Variants in RNF41 observed in about 807,000 individuals in gnomAD.
The protein encoded by RNF41 is E3 ubiquitin-protein ligase NRDP1.
In RNF41, 4 loss-of-function variants were observed where a neutral mutation model predicts 33.0. That is an observed-to-expected ratio of 0.12 (90% CI 0.06 to 0.28). The LOEUF is 0.28. RNF41 is among the 10% of genes least tolerant of loss of function. The probability of loss-of-function intolerance (pLI) is 1.00; values close to 1 mark genes in which losing one functional copy is unlikely to be tolerated. For synonymous variants in RNF41, 164 were observed against 153.2 expected (o/e 1.07, Z -0.52); for missense variants, 228 against 432.6 (o/e 0.53, Z 4.19).
At chr12:56,211,311 C>T (rs1157470302) in intron 3 of RNF41, among the ~76,000 whole-genome samples, 1 of 151,868 alleles carries the variant, frequency 6.6e-6, no homozygotes, top group Non-Finnish European at 1.5e-5. Context: ...GCACTCCAGC[C>T]TGGGTGACAG....
At chr12:56,215,504 A>T (rs1402250920) in intron 2 of RNF41, among the ~76,000 whole-genome samples, 1 of 150,838 alleles carries the variant, frequency 6.6e-6, no homozygotes, top group Non-Finnish European at 1.5e-5. Context: ...ACGGATCATG[A>T]GGTCAAGAGA....
intron 1 of RNF41, among the ~76,000 whole-genome samples, chr12:56,217,097 G>A (rs542151970): frequency 6.7e-6 from 1 of 148,984 alleles, no homozygotes; most frequent in South Asian, 2.1e-4. Context: ...CCGAGACCGC[G>A]CCACCGCACT....
At position 56,206,718 on chromosome 12, in the gene RNF41, A is replaced by G; in HGVS notation, c.683T>C (p.Val228Ala). 6.2e-7 allele frequency: 1 copy of G among 1,614,172 alleles called. No homozygotes were observed. Among genetic ancestry groups the G allele is most frequent in the South Asian group, 1.1e-5 (1 of 91,090 alleles). ...ACTCTCCACCAGGGAGCGCTTGATT[A>G]CAGCCTGGAGCACAGCATCAGGAGT... ...ISTPDAVLQA[V>A]IKRSLVESGC... The change falls in exon 7 of 7, where the codon GTA becomes GCA. Residue 228 changes from valine to alanine, a missense_variant. By Grantham distance (64) the Val-to-Ala change is moderately conservative. This residue lies in a region of RNF41 where 199 missense variants were observed against 334.6 expected (regional missense o/e 0.59). Coordinates refer to ENST00000345093, the MANE Select transcript of RNF41 (RefSeq NM_005785.4). This position sits in a 1 kb window ranked among gnomAD's most constrained non-coding sequence, Gnocchi z 5.7.
chr12:56,215,520 A>G (rs1309659928), intron 2 of RNF41, among the ~76,000 whole-genome samples: 3 of 152,002 alleles, frequency 2.0e-5, no homozygotes, highest in Admixed American at 1.3e-4. Flanking sequence ...AGAGATCAAC[A>G]CCATCCTGGC....
chr12:56,208,089 T>C lies in RNF41; in HGVS notation c.498+74A>G, dbSNP rs1868308125. ...AAGCACTGGTCTGTGTGTTCACAAC[T>C]GGTTTTTATTACCCACAGGCAGGCA... On this transcript the variant is annotated intron_variant, in intron 5 of 6. Coordinates refer to ENST00000345093, the MANE Select transcript of RNF41 (RefSeq NM_005785.4). 7 of 1,567,008 alleles carry C rather than the reference T, an allele frequency of 4.5e-6. No individual in the cohort carries two copies. In the South Asian group the frequency reaches 7.8e-5, roughly 18 times the overall value.
At chr12:56,215,220 C>T (rs757106912) in intron 2 of RNF41, among the ~76,000 whole-genome samples, 132 of 152,202 alleles carry the variant, frequency 8.7e-4, no homozygotes, top group Non-Finnish European at 1.6e-3. Flanking sequence ...CAAGCAAGGG[C>T]CATGCTGTGA....
Position 56,210,527 on chromosome 12 carries a change from G to C in RNF41, c.132C>G (p.Thr44=), listed in dbSNP as rs1164540650. Residue 44 remains threonine, a synonymous_variant, in exon 4 of 7, where the codon ACC becomes ACG. Transcript: ENST00000345093. ...CEHAFCNACI[T]QWFSQQQTCP... Reference sequence around the variant, plus strand: ...ATGTCTGTTGCTGAGAGAACCACTGGGTGATGCAGGCGTTGCAGAAAGCAT... The same window carrying C: ...ATGTCTGTTGCTGAGAGAACCACTGCGTGATGCAGGCGTTGCAGAAAGCAT... The C allele has an allele frequency of 1.2e-6, 2 of 1,613,962 alleles. No individual in the cohort carries two copies.
At position 56,203,701 on chromosome 12, in the gene RNF41, A is replaced by C. The variant is rs1878700542; in HGVS notation, c.*2746T>G. The C allele has an allele frequency of 2.3e-4, 4 of 17,616 alleles. No individual in the cohort carries two copies. The highest frequency in any genetic ancestry group is 6.9e-4 in the Non-Finnish European group (1 of 1,458). 1.1% of individuals were successfully genotyped at this position (17,616 alleles called of 1,614,324 possible). On this transcript the variant is annotated 3_prime_UTR_variant, in exon 7 of 7. Coordinates refer to ENST00000345093, the MANE Select transcript of RNF41 (RefSeq NM_005785.4). ...GAGCCACCGTGCCCGGCCTATGAAG[A>C]CTTTTTTTTTTTTTTTTTTTTTTAG...
At chr12:56,210,039 G>C (rs947561388) in intron 4 of RNF41, 6 of 509,020 alleles carry the variant, frequency 1.2e-5, no homozygotes, top group South Asian at 2.5e-5. Flanking sequence ...GGGAAGAATA[G>C]AGTCAATCAA....
chr12:56,218,992 A>G (rs1272241080), intron 1 of RNF41, among the ~76,000 whole-genome samples: 2 of 148,674 alleles, frequency 1.3e-5, no homozygotes, highest in South Asian at 4.2e-4. Context: ...GTGAGCCACC[A>G]TGCTTGGCCT....
chr12:56,209,681 T>C (rs1284949085), intron 4 of RNF41, among the ~76,000 whole-genome samples: 1 of 151,878 alleles, frequency 6.6e-6, no homozygotes, highest in African/African-American at 2.4e-5. Context: ...ATGGTCTCAA[T>C]CTCCTGACCT....
rs1868260705 is a variant in RNF41 at position 56,206,091 on chromosome 12, T to C, written c.*356A>G. 4.7e-6 allele frequency: 1 copy of C among 214,360 alleles called. No individual in the cohort carries two copies. Among genetic ancestry groups the C allele is most frequent in the Non-Finnish European group, 9.4e-6 (1 of 106,142 alleles). The allele number at this position is 214,360 out of a possible 1,614,324, so 13.3% of individuals were successfully genotyped here. On this transcript the variant is annotated 3_prime_UTR_variant, in exon 7 of 7. Transcript: ENST00000345093. The surrounding 1 kb of genome is among the most constrained non-coding windows in gnomAD (Gnocchi z 5.7). ...CCTGGTTTTGGAGGAGAGGGACGATTAGAGATTCCTTCCTCTGTCCTGATC... is the reference window on the plus strand; with the variant it reads ...CCTGGTTTTGGAGGAGAGGGACGATCAGAGATTCCTTCCTCTGTCCTGATC...
intron 6 of RNF41, chr12:56,207,057 A>G: frequency 3.0e-6 from 4 of 1,311,660 alleles, no homozygotes; most frequent in Non-Finnish European, 4.0e-6. Context: ...TACTTAGCAC[A>G]TATAGCGCCT....
In RNF41 at chr12:56,216,497, C is replaced by T. The variant is rs1868903318; in HGVS notation, c.-92G>A. The T allele has an allele frequency of 6.6e-6, 1 of 152,192 alleles. No homozygotes were observed. Among genetic ancestry groups the T allele is most frequent in the Non-Finnish European group, 1.5e-5 (1 of 68,056 alleles). The allele number at this position is 152,192 out of a possible 1,614,324, so 9.4% of individuals were successfully genotyped here. ...ACCCCCTGATGCCTCCACTCAGTGC[C>T]ACTGAAGAGATTCTCCCAGTAACCC... is the stretch of plus-strand genomic sequence containing the variant. On this transcript the variant is annotated 5_prime_UTR_variant, in exon 2 of 7. Transcript: ENST00000345093.
intron 2 of RNF41, among the ~76,000 whole-genome samples, chr12:56,216,195 G>C (rs992208947): frequency 6.6e-6 from 1 of 151,164 alleles, no homozygotes; most frequent in African/African-American, 2.4e-5. Context: ...TGAGTACATA[G>C]GAAAAAAAAC....
At chr12:56,218,129 T>C (rs900831917) in intron 1 of RNF41, among the ~76,000 whole-genome samples, 1 of 151,860 alleles carries the variant, frequency 6.6e-6, no homozygotes, top group African/African-American at 2.4e-5. Context: ...AATTTTTGTA[T>C]TTTTAGTAGA....
At chr12:56,208,984 C>T (rs147637574) in intron 4 of RNF41, among the ~76,000 whole-genome samples, 3 of 151,666 alleles carry the variant, frequency 2.0e-5, no homozygotes, top group South Asian at 2.1e-4. Flanking sequence ...TGTGCCTCAG[C>T]CTCCCGAGTA....
chr12:56,212,792 C>CT (rs1466171811), intron 3 of RNF41, among the ~76,000 whole-genome samples: 1 of 152,088 alleles, frequency 6.6e-6, no homozygotes, highest in Non-Finnish European at 1.5e-5. Flanking sequence ...AGGGGAGCCC[C>CT]TGGGAGTTAG....
At chr12:56,214,847 GAA>G (rs1868756148) in intron 2 of RNF41, among the ~76,000 whole-genome samples, 1 of 151,950 alleles carries the variant, frequency 6.6e-6, no homozygotes, top group African/African-American at 2.4e-5. Context: ...AAGAAAAAAA[GAA>G]ATGTAATTCT....
Sources: allele counts gnomAD v4.1 joint callset (sites outside exome capture counted in the v4.1 genomes callset), GRCh38; gene constraint gnomAD v4.1.1; regional missense constraint gnomAD v4.1.1; non-coding constraint Gnocchi (gnomAD v3.1); transcripts MANE v1.5; gene names NCBI Gene and HGNC (gene_info 2026-07-23, HGNC 2026-07-21).